Variants in TSPAN13 observed in about 807,000 individuals in gnomAD.
TSPAN13 encodes the protein tetraspanin-13.
TSPAN13 carries 18 observed loss-of-function variants against 26.9 expected under a neutral mutation model. The observed-to-expected ratio is 0.67, with a 90% CI of 0.46 to 0.99. The LOEUF (loss-of-function observed/expected upper bound fraction) is 0.99, where lower values mean the gene tolerates loss of function less well. Ranked by LOEUF, TSPAN13 falls within the 50% of genes least tolerant of loss-of-function variation. The probability of loss-of-function intolerance (pLI) is 0.00; values close to 1 mark genes in which losing one functional copy is unlikely to be tolerated. For missense variants in TSPAN13, 201 were observed against 249.6 expected, an observed-to-expected ratio of 0.81 and a Z score of 1.31; for synonymous variants, 116 against 98.4, an observed-to-expected ratio of 1.18 and a Z score of -1.06.
At chr7:16,782,016 T>C (rs1241264335) in intron 5 of TSPAN13, among the ~76,000 whole-genome samples, 1 of 152,176 alleles carries the variant, frequency 6.6e-6, no homozygotes, top group Non-Finnish European at 1.5e-5. Context: ...ATTATTTTGT[T>C]TAACCTCTTG....
chr7:16,763,366 T>A (rs1178849636), intron 1 of TSPAN13, among the ~76,000 whole-genome samples: 2 of 152,212 alleles, frequency 1.3e-5, no homozygotes, highest in African/African-American at 2.4e-5. Flanking sequence ...GAAGCTTGTG[T>A]GAATCAGGAT....
chr7:16,772,829 C>G (rs1201350012), intron 1 of TSPAN13, among the ~76,000 whole-genome samples: 1 of 151,976 alleles, frequency 6.6e-6, no homozygotes, highest in Non-Finnish European at 1.5e-5. Context: ...AACCCCGTCT[C>G]TACTAAAAAT....
intron 5 of TSPAN13, among the ~76,000 whole-genome samples, chr7:16,782,596 C>T (rs1216321339): frequency 6.6e-6 from 1 of 152,096 alleles, no homozygotes; most frequent in Non-Finnish European, 1.5e-5. Flanking sequence ...AACAATTTAG[C>T]GAACTTGGTG....
chr7:16,763,564 G>T (rs1341527341), intron 1 of TSPAN13, among the ~76,000 whole-genome samples: 1 of 152,172 alleles, frequency 6.6e-6, no homozygotes, highest in East Asian at 1.9e-4. Flanking sequence ...GTCCATGATG[G>T]CTACTGGCAG....
intron 1 of TSPAN13, among the ~76,000 whole-genome samples, chr7:16,758,581 C>T (rs1382598542): frequency 6.6e-6 from 1 of 152,092 alleles, no homozygotes; most frequent in Admixed American, 6.5e-5. Context: ...AAAGAAAACT[C>T]GTATAAAACA....
intron 1 of TSPAN13, among the ~76,000 whole-genome samples, chr7:16,767,164 A>C (rs1383614304): frequency 6.6e-6 from 1 of 152,182 alleles, no homozygotes; most frequent in African/African-American, 2.4e-5. Context: ...CCAACTCTCC[A>C]GTCCCTTTCC....
At chr7:16,765,253 C>G (rs889901153) in intron 1 of TSPAN13, among the ~76,000 whole-genome samples, 4 of 140,858 alleles carry the variant, frequency 2.8e-5, no homozygotes, top group Non-Finnish European at 4.6e-5. Context: ...CTGGTTGCCA[C>G]TGCACCTGGC....
At chr7:16,762,808 G>T (rs1784559210) in intron 1 of TSPAN13, among the ~76,000 whole-genome samples, 1 of 152,060 alleles carries the variant, frequency 6.6e-6, no homozygotes, top group African/African-American at 2.4e-5. Flanking sequence ...ACCATGAATT[G>T]TTCCAGGCCA....
intron 5 of TSPAN13, among the ~76,000 whole-genome samples, chr7:16,783,009 G>A (rs1167089555): frequency 6.6e-6 from 1 of 152,078 alleles, no homozygotes; most frequent in Non-Finnish European, 1.5e-5. Context: ...CCATCACGGT[G>A]TCTTCTCTCC....
intron 1 of TSPAN13, among the ~76,000 whole-genome samples, chr7:16,759,699 CTTTTTT>C (rs59571826): frequency 7.5e-6 from 1 of 132,456 alleles, no homozygotes. Context: ...TTCTTTCTTT[CTTTTTT>C]TTTTTTTTTT....
intron 1 of TSPAN13, among the ~76,000 whole-genome samples, chr7:16,773,590 T>C (rs1784707293): frequency 6.6e-6 from 1 of 152,210 alleles, no homozygotes; most frequent in African/African-American, 2.4e-5. Context: ...AATAGGGATG[T>C]CTTGTCTCTG....
At chr7:16,778,545 G>A (rs1170194545) in intron 4 of TSPAN13, among the ~76,000 whole-genome samples, 2 of 152,220 alleles carry the variant, frequency 1.3e-5, no homozygotes, top group Non-Finnish European at 2.9e-5. Flanking sequence ...GTTGTTGGAA[G>A]AATTCAGTCT....
In TSPAN13 at chr7:16,774,166, G is replaced by A. The variant is rs76165183; in HGVS notation, c.64-2045G>A. 4.7e-4 allele frequency among the ~76,000 whole-genome samples: 72 copies of A among 152,276 alleles called. No individual in the cohort carries two copies. In the East Asian group the frequency reaches 0.012, roughly 26 times the overall value. ...TTCTGCTTGAGTTTCCAGCCTGCTG[G>A]CCAGCTCTACAAATTTCTGACTTGC... On this transcript the variant is annotated intron_variant, in intron 1 of 5. Transcript: ENST00000262067.
chr7:16,772,375 A>G lies in TSPAN13; in HGVS notation c.64-3836A>G, dbSNP rs183632436. Among the ~76,000 whole-genome samples, 10 of 152,278 alleles carry G rather than the reference A, an allele frequency of 6.6e-5. 1 individual carries two copies. The East Asian group carries it at 1.9e-3, about 29-fold the overall frequency. ...AAATTACCACGAACATGGTGACTCA[A>G]AATAACAGAAATTTATCCCCTCACA... On this transcript the variant is annotated intron_variant, in intron 1 of 5. Transcript: ENST00000262067.
At chr7:16,770,771 T>A (rs552604433) in intron 1 of TSPAN13, among the ~76,000 whole-genome samples, 157 of 152,328 alleles carry the variant, frequency 1.0e-3, no homozygotes, top group Non-Finnish European at 7.8e-4. Flanking sequence ...TGAGCTTTTC[T>A]CCCCCAAATG....
At chr7:16,759,169 C>T (rs1784514607) in intron 1 of TSPAN13, among the ~76,000 whole-genome samples, 1 of 152,052 alleles carries the variant, frequency 6.6e-6, no homozygotes, top group Admixed American at 6.6e-5. Context: ...TCATGCTTGG[C>T]CTGCATGGAA....
chr7:16,763,075 C>T lies in TSPAN13; in HGVS notation c.63+9045C>T, dbSNP rs547623610. Among the ~76,000 whole-genome samples the T allele has an allele frequency of 5.9e-5, 9 of 152,150 alleles. No homozygotes were observed. In the South Asian group the frequency reaches 8.3e-4, roughly 14 times the overall value. ...TGCAGGCAACCATGGACCTGCTCAG[C>T]GGTAAAACTTACATTGGTGTTAAAT... On this transcript the variant is annotated intron_variant, in intron 1 of 5. Transcript: ENST00000262067.
rs1583783319 is a variant in TSPAN13, at chr7:16,753,883, C to A, written c.-85C>A. Reference sequence around the variant, plus strand: ...CGTTGCTGCCCCGCCTGGGCCAGGCCCCAAAGGCAAGGACAAAGCAGCTGT... The same window carrying A: ...CGTTGCTGCCCCGCCTGGGCCAGGCACCAAAGGCAAGGACAAAGCAGCTGT... On this transcript the variant is annotated 5_prime_UTR_variant, in exon 1 of 6. Transcript: ENST00000262067. 1 of 1,444,566 alleles carries A rather than the reference C, an allele frequency of 6.9e-7. No homozygotes were observed. The highest frequency in any genetic ancestry group is 2.5e-5 in the East Asian group (1 of 40,542). 89.5% of individuals were successfully genotyped at this position (1,444,566 alleles called of 1,614,324 possible). A position where few individuals can be genotyped will look rare whatever the true frequency, so the allele number is the denominator to read the frequency against.
chr7:16,770,890 T>C (rs1022666234), intron 1 of TSPAN13, among the ~76,000 whole-genome samples: 3 of 152,246 alleles, frequency 2.0e-5, no homozygotes, highest in African/African-American at 7.2e-5. Flanking sequence ...TAGGCTCTTG[T>C]TTGATAGGCT....
Sources: gnomAD v4.1 joint callset for allele counts (sites outside exome capture counted in the v4.1 genomes callset) on GRCh38, gnomAD v4.1.1 for gene constraint, MANE v1.5 for transcripts, NCBI Gene and HGNC (gene_info 2026-07-23, HGNC 2026-07-21) for gene names.